PRKCB: variants seen among roughly 807,000 people sequenced by gnomAD.
The protein encoded by PRKCB is protein kinase C beta.
PRKCB carries 13 observed loss-of-function variants against 81.5 expected under a neutral mutation model. The ratio of observed to expected loss-of-function variants is 0.16; its 90% CI spans 0.10 to 0.25. PRKCB has a LOEUF of 0.25. Ranked by LOEUF, PRKCB falls within the 10% of genes least tolerant of loss-of-function variation. The probability of loss-of-function intolerance (pLI) is 1.00; values close to 1 mark genes in which losing one functional copy is unlikely to be tolerated. For synonymous variants in PRKCB, 335 were observed against 321.4 expected (o/e 1.04, Z -0.45); for missense variants, 509 against 875.7 (o/e 0.58, Z 5.29).
chr16:24,219,156 G>A lies in PRKCB; in HGVS notation c.*4340G>A, dbSNP rs1968279940. The A allele has an allele frequency of 1.0e-6, 1 of 984,856 alleles. No individual in the cohort carries two copies. The highest frequency in any genetic ancestry group is 6.2e-5 in the Admixed American group (1 of 16,196). The allele number at this position is 984,856 out of a possible 1,614,324, so 61.0% of individuals were successfully genotyped here. The stretch of plus-strand genomic sequence containing the variant: ...TGAGACTTGCCCCAAGCAATTGCTA[G>A]TAAATGGGGGTTAATTTCTTCTCCA... On this transcript the variant is annotated 3_prime_UTR_variant, in exon 17 of 17. Transcript: ENST00000643927.
chr16:23,938,602 C>CT (rs1964094300), intron 2 of PRKCB, among the ~76,000 whole-genome samples: 1 of 152,162 alleles, frequency 6.6e-6, no homozygotes, highest in African/African-American at 2.4e-5. Flanking sequence ...TAAATGAAGA[C>CT]TGGGAAGTAG....
At position 24,003,846 on chromosome 16, in the gene PRKCB, G is replaced by A. The variant is rs558653037; in HGVS notation, c.288+15256G>A. Among the ~76,000 whole-genome samples the A allele has an allele frequency of 5.7e-4, 87 of 152,302 alleles. 1 individual carries two copies. Among genetic ancestry groups the A allele is most frequent in the South Asian group, 2.5e-3 (12 of 4,830 alleles). ...AGAAGAGTGAAGGAGAAACTTTGAT[G>A]CGCTGATGAAAGTAATAACTAATTA... On this transcript the variant is annotated intron_variant, in intron 3 of 16. Transcript: ENST00000643927.
intron 10 of PRKCB, among the ~76,000 whole-genome samples, chr16:24,168,179 T>C (rs1967376536): frequency 6.6e-6 from 1 of 152,238 alleles, no homozygotes; most frequent in Admixed American, 6.5e-5. Context: ...TGTCCTTGTT[T>C]AATATTCTGT....
At chr16:23,851,154 C>T (rs1237634218) in intron 2 of PRKCB, among the ~76,000 whole-genome samples, 4 of 152,112 alleles carry the variant, frequency 2.6e-5, no homozygotes, top group Non-Finnish European at 5.9e-5. Context: ...TTTGCTTAAT[C>T]ATTGCCCAAA....
intron 9 of PRKCB, among the ~76,000 whole-genome samples, chr16:24,142,704 A>G (rs919340155): frequency 2.0e-5 from 3 of 152,048 alleles, no homozygotes; most frequent in Admixed American, 6.6e-5. Flanking sequence ...GGGCTGGGGG[A>G]AGGAAGGAGA....
chr16:23,837,540 T>G (rs3729885), intron 2 of PRKCB, 134 bp downstream of exon 2: 49,415 of 1,120,908 alleles, frequency 0.044, 1,252 homozygotes, highest in Middle Eastern at 0.053. Flanking sequence ...TAGGAATTCT[T>G]CACCACAACA....
chr16:24,092,333 C>G (rs983548027), intron 5 of PRKCB, among the ~76,000 whole-genome samples: 1 of 152,092 alleles, frequency 6.6e-6, no homozygotes, highest in Non-Finnish European at 1.5e-5. Context: ...TTCACAACAG[C>G]CAAAAAGTGG....
chr16:24,139,012 C>G (rs887197752), intron 9 of PRKCB, among the ~76,000 whole-genome samples: 2 of 151,868 alleles, frequency 1.3e-5, no homozygotes, highest in African/African-American at 2.4e-5. Context: ...CCACTATGCC[C>G]GGCTAAATTT....
intron 2 of PRKCB, among the ~76,000 whole-genome samples, chr16:23,962,048 C>G (rs1453835953): frequency 6.6e-6 from 1 of 152,136 alleles, no homozygotes; most frequent in Non-Finnish European, 1.5e-5. Flanking sequence ...TGTTCATACT[C>G]CGCATCTCTG....
chr16:24,047,704 C>A (rs921285502), intron 5 of PRKCB, among the ~76,000 whole-genome samples: 4 of 152,184 alleles, frequency 2.6e-5, no homozygotes, highest in Admixed American at 2.0e-4. Context: ...ATAAGAAACA[C>A]CCACCATACC....
At chr16:24,115,410 A>G (rs928341786) in intron 8 of PRKCB, among the ~76,000 whole-genome samples, 10 of 151,096 alleles carry the variant, frequency 6.6e-5, no homozygotes, top group African/African-American at 2.2e-4. Context: ...GGATTTTAGC[A>G]TTTATCCCAA....
chr16:23,890,477 TG>T (rs1390384236), intron 2 of PRKCB, among the ~76,000 whole-genome samples: 1 of 152,194 alleles, frequency 6.6e-6, no homozygotes, highest in Non-Finnish European at 1.5e-5. Context: ...AGACGCTCCC[TG>T]GGACCCTTAA....
At chr16:24,168,716 A>ATTTTT (rs945320742) in intron 10 of PRKCB, among the ~76,000 whole-genome samples, 2 of 74,496 alleles carry the variant, frequency 2.7e-5, no homozygotes, top group Non-Finnish European at 2.9e-5. Flanking sequence ...ATGCCTGGCT[A>ATTTTT]TTTTTTTTTT....
chr16:24,163,324 G>A (rs1000317530), intron 10 of PRKCB, among the ~76,000 whole-genome samples: 7 of 152,208 alleles, frequency 4.6e-5, no homozygotes, highest in African/African-American at 1.4e-4. Flanking sequence ...TGCCTCCCAG[G>A]GGAGGAAACT....
intron 3 of PRKCB, among the ~76,000 whole-genome samples, chr16:24,017,885 A>G (rs1412905063): frequency 6.8e-6 from 1 of 147,060 alleles, no homozygotes; most frequent in Non-Finnish European, 1.5e-5. Context: ...ATGCGCCACC[A>G]TAACTAATTT....
intron 2 of PRKCB, among the ~76,000 whole-genome samples, chr16:23,843,106 C>T (rs1324057371): frequency 6.0e-5 from 9 of 151,008 alleles, no homozygotes; most frequent in South Asian, 2.1e-4. Flanking sequence ...ATTAGCATAG[C>T]ATATGTGTAT....
rs1388984295 is a variant in PRKCB at position 24,094,152 on chromosome 16, T to C, written c.687-11T>C. 15 of 1,612,312 alleles carry C rather than the reference T, an allele frequency of 9.3e-6. No homozygotes were observed. Among genetic ancestry groups the C allele is most frequent in the Middle Eastern group, 1.6e-4 (1 of 6,064 alleles). ...AACCTCCACTGATGTCTTTTCTTTTTCTCTATGCAGTCAGCTGAAAGAATC... is the reference window on the plus strand; with the variant it reads ...AACCTCCACTGATGTCTTTTCTTTTCCTCTATGCAGTCAGCTGAAAGAATC... On this transcript the variant is annotated splice_polypyrimidine_tract_variant and intron_variant, in intron 6 of 16. Coordinates refer to ENST00000643927, the MANE Select transcript of PRKCB (RefSeq NM_002738.7).
intron 10 of PRKCB, among the ~76,000 whole-genome samples, chr16:24,166,688 T>C (rs1291720843): frequency 6.6e-6 from 1 of 152,186 alleles, no homozygotes; most frequent in Non-Finnish European, 1.5e-5. Flanking sequence ...TCTGGCACTG[T>C]GGATTATCCA....
intron 12 of PRKCB, among the ~76,000 whole-genome samples, chr16:24,179,933 A>G (rs1429527235): frequency 1.3e-5 from 2 of 152,096 alleles, no homozygotes; most frequent in South Asian, 2.1e-4. Flanking sequence ...TGCCTGTCAC[A>G]TAGTAATTGT....
Sources: allele counts gnomAD v4.1 joint callset (sites outside exome capture counted in the v4.1 genomes callset), GRCh38; gene constraint gnomAD v4.1.1; transcripts MANE v1.5; gene names NCBI Gene and HGNC (gene_info 2026-07-23, HGNC 2026-07-21).